Variants in MAP3K7CL observed in about 807,000 individuals in gnomAD.
MAP3K7CL encodes MAP3K7 C-terminal like.
MAP3K7CL carries 16 observed loss-of-function variants against 18.6 expected under a neutral mutation model. The ratio of observed to expected loss-of-function variants is 0.86; its 90% CI spans 0.58 to 1.31. The LOEUF (loss-of-function observed/expected upper bound fraction) is 1.31. Among genes scored for constraint, MAP3K7CL ranks in the 50% most tolerant of loss-of-function variants. MAP3K7CL has a pLI of 0.00. For missense variants in MAP3K7CL, 163 were observed against 174.4 expected, an observed-to-expected ratio of 0.93 and a Z score of 0.37; for synonymous variants, 65 against 66.8, an observed-to-expected ratio of 0.97 and a Z score of 0.13.
chr21:29,159,852 C>A, intron 3 of MAP3K7CL, 89 bp from the exon 4 acceptor site: 3 of 935,942 alleles, frequency 3.2e-6, no homozygotes, highest in East Asian at 2.5e-5. Flanking sequence ...AAGAAAAAAC[C>A]TTCGTTTAAA....
chr21:29,077,180 CG>C (rs2085763043), upstream of MAP3K7CL, among the ~76,000 whole-genome samples: 1 of 152,230 alleles, frequency 6.6e-6, no homozygotes, highest in Non-Finnish European at 1.5e-5. Flanking sequence ...CTTGCCAGTC[CG>C]CCGCCGTGAG....
At chr21:29,122,284 G>C (rs1029500071) in intron 4 of MAP3K7CL, 1 of 152,196 alleles carries the variant, frequency 6.6e-6, no homozygotes, top group African/African-American at 2.4e-5. Context: ...GCGGCCCTGT[G>C]ACAGCATCTG....
intron 4 of MAP3K7CL, among the ~76,000 whole-genome samples, chr21:29,167,763 G>T (rs187594294): frequency 1.4e-5 from 2 of 144,448 alleles, no homozygotes; most frequent in African/African-American, 2.6e-5. Flanking sequence ...GCAGTGGCGC[G>T]ATCTCGGCTC....
chr21:29,077,193 C>T (rs1350715812), upstream of MAP3K7CL, among the ~76,000 whole-genome samples: 1 of 152,248 alleles, frequency 6.6e-6, no homozygotes, highest in African/African-American at 2.4e-5. Context: ...CGCCGTGAGC[C>T]CACACTCCTC....
At chr21:29,116,858 T>C (rs941717306) in intron 4 of MAP3K7CL, among the ~76,000 whole-genome samples, 2 of 152,170 alleles carry the variant, frequency 1.3e-5, no homozygotes, top group African/African-American at 4.8e-5. Context: ...AGCAATATAC[T>C]TTTTCATGTT....
In MAP3K7CL at chr21:29,111,374, T is replaced by A. The variant is rs373549271; in HGVS notation, c.370+18793T>A. Among the ~76,000 whole-genome samples the A allele has an allele frequency of 5.3e-5, 8 of 152,182 alleles. No individual in the cohort carries two copies. The East Asian group carries it at 1.5e-3, about 29-fold the overall frequency. On this transcript the variant is annotated intron_variant, in intron 4 of 6. Coordinates refer to the MAP3K7CL transcript ENST00000286791. ...TGGGGAGCTAAGAGGCTGGCTGGTG[T>A]TCTGGGTGTGTCAGGTGGGCTTATG...
chr21:29,168,159 A>T (rs1031648146), intron 4 of MAP3K7CL, among the ~76,000 whole-genome samples: 7 of 152,230 alleles, frequency 4.6e-5, no homozygotes, highest in African/African-American at 1.7e-4. Flanking sequence ...TTACATTTTC[A>T]TTAACATAAA....
rs575082811 is a variant in MAP3K7CL at position 29,097,509 on chromosome 21, A to G, written c.370+4928A>G. On this transcript the variant is annotated intron_variant, in intron 4 of 6. Transcript: ENST00000286791. The stretch of plus-strand genomic sequence containing the variant: ...TGCAATTCCCCTTACGTCAACCTTG[A>G]TATACCTTTTAAATATTTAAGGTGT... Among the ~76,000 whole-genome samples, 11 of 152,278 alleles carry G rather than the reference A, an allele frequency of 7.2e-5. No individual in the cohort carries two copies. The East Asian group carries it at 2.1e-3, about 29-fold the overall frequency.
At chr21:29,126,099 A>T (rs979169366), upstream of MAP3K7CL, among the ~76,000 whole-genome samples, 1 of 152,174 alleles carries the variant, frequency 6.6e-6, no homozygotes, top group Non-Finnish European at 1.5e-5. Flanking sequence ...GCAAAAGAAG[A>T]GTTACTTCTC....
intron 3 of MAP3K7CL, among the ~76,000 whole-genome samples, chr21:29,158,022 C>G: frequency 6.6e-6 from 1 of 152,198 alleles, no homozygotes. Flanking sequence ...GCTCTTGTTT[C>G]AACTGAGTAT....
intron 4 of MAP3K7CL, among the ~76,000 whole-genome samples, chr21:29,173,932 A>C (rs1386623279): frequency 6.6e-6 from 1 of 152,124 alleles, no homozygotes; most frequent in Non-Finnish European, 1.5e-5. Context: ...AAACTCCTGG[A>C]CTCAAGAGAT....
At chr21:29,126,553 A>C (rs2086684944), upstream of MAP3K7CL, among the ~76,000 whole-genome samples, 1 of 152,030 alleles carries the variant, frequency 6.6e-6, no homozygotes, top group Non-Finnish European at 1.5e-5. Context: ...TCACCTCCCG[A>C]GTTCAAGTGA....
intron 4 of MAP3K7CL, among the ~76,000 whole-genome samples, chr21:29,108,194 A>G (rs139804409): frequency 6.6e-6 from 1 of 152,298 alleles, no homozygotes; most frequent in African/African-American, 2.4e-5. Context: ...TAAAGTCGTA[A>G]GAGTGGGACC....
intron 4 of MAP3K7CL, among the ~76,000 whole-genome samples, chr21:29,174,276 C>T (rs2087912590): frequency 6.6e-6 from 1 of 152,152 alleles, no homozygotes; most frequent in Admixed American, 6.6e-5. Flanking sequence ...ATTTGTTCAA[C>T]TCAGATGTAG....
At chr21:29,093,711 A>G (rs565036006) in intron 4 of MAP3K7CL, among the ~76,000 whole-genome samples, 2 of 151,742 alleles carry the variant, frequency 1.3e-5, no homozygotes, top group African/African-American at 4.8e-5. Flanking sequence ...GATGGTCTCA[A>G]TCTCCTCCTG....
chr21:29,170,756 A>G (rs1421396360), intron 4 of MAP3K7CL, among the ~76,000 whole-genome samples: 2 of 151,454 alleles, frequency 1.3e-5, no homozygotes, highest in African/African-American at 4.9e-5. Flanking sequence ...CTCCTGCCTC[A>G]GCCTCCCGAG....
chr21:29,110,850 G>A (rs1021607826), intron 4 of MAP3K7CL, among the ~76,000 whole-genome samples: 12 of 151,892 alleles, frequency 7.9e-5, no homozygotes, highest in African/African-American at 2.2e-4. Context: ...TATTCTATTC[G>A]TATTTCATGG....
At chr21:29,149,392 G>A in intron 3 of MAP3K7CL, 142 bp downstream of exon 3, 1 of 718,384 alleles carries the variant, frequency 1.4e-6, no homozygotes, top group African/African-American at 1.8e-5. Context: ...TACATTTCTA[G>A]AGCTCCAAAG....
chr21:29,174,965 T>C lies in MAP3K7CL; in HGVS notation c.*73T>C. 7.1e-7 allele frequency: 1 copy of C among 1,408,092 alleles called. No individual in the cohort carries two copies. The highest frequency in any genetic ancestry group is 9.6e-7 in the Non-Finnish European group (1 of 1,037,432). The allele number at this position is 1,408,092 out of a possible 1,614,324, so 87.2% of individuals were successfully genotyped here. On this transcript the variant is annotated 3_prime_UTR_variant, in exon 5 of 5. Transcript: ENST00000399928. ...CTGGCCAAAAGATTTTTATTTTAAATGAATAGTGAGTCAGATCTATTGCTT... is the reference window on the plus strand; with the variant it reads ...CTGGCCAAAAGATTTTTATTTTAAACGAATAGTGAGTCAGATCTATTGCTT...
Sources: gnomAD v4.1 joint callset for allele counts (sites outside exome capture counted in the v4.1 genomes callset) on GRCh38, gnomAD v4.1.1 for gene constraint, MANE v1.5 for transcripts, NCBI Gene and HGNC (gene_info 2026-07-23, HGNC 2026-07-21) for gene names.